Variants in UVSSA observed in about 807,000 individuals in gnomAD.
The protein encoded by UVSSA is UV-stimulated scaffold protein A.
In UVSSA, 72 loss-of-function variants were observed where a neutral mutation model predicts 73.9. The ratio of observed to expected loss-of-function variants is 0.97; its 90% CI spans 0.81 to 1.19. The LOEUF is 1.19. Ranked by LOEUF, UVSSA falls within the 50% of genes most tolerant of loss-of-function variation. UVSSA has a pLI of 0.00. For synonymous variants in UVSSA, 454 were observed against 391.3 expected (o/e 1.16, Z -1.89); for missense variants, 1,150 against 965.0 (o/e 1.19, Z -2.54).
rs147609449 is a variant in UVSSA at position 1,375,408 on chromosome 4, C to A, written c.1333C>A (p.Arg445=). The A allele has an allele frequency of 6.2e-7, 1 of 1,613,546 alleles. No homozygotes were observed. Among genetic ancestry groups the A allele is most frequent in the Non-Finnish European group, 8.5e-7 (1 of 1,180,016 alleles). ...PEKDTVVRCL[R]TRTRMDEEVS... ...GAAAGACACAGTTGTGCGGTGCTTG[C>A]GGACGAGGACGAGGATGGACGAGGA... The change falls in exon 9 of 14, where the codon CGG becomes AGG. Residue 445 remains arginine (R), a synonymous_variant. Transcript: ENST00000389851.
intron 7 of UVSSA, among the ~76,000 whole-genome samples, chr4:1,357,652 G>A (rs1715980570): frequency 6.6e-6 from 1 of 152,252 alleles, no homozygotes; most frequent in Admixed American, 6.5e-5. Flanking sequence ...CCTCACCCTG[G>A]TGGATGCAGA....
intron 8 of UVSSA, among the ~76,000 whole-genome samples, chr4:1,372,899 C>T (rs539034692): frequency 1.3e-5 from 2 of 149,790 alleles, no homozygotes; most frequent in South Asian, 2.1e-4. Flanking sequence ...TCACCTCCCG[C>T]GTCTCTACAC....
At position 1,349,761 on chromosome 4, in the gene UVSSA, G is replaced by A. The variant is rs538567550; in HGVS notation, c.336G>A (p.Ala112=). 5 of 1,610,230 alleles carry A rather than the reference G, an allele frequency of 3.1e-6. No homozygotes were observed. The South Asian group carries it at 4.4e-5, about 14-fold the overall frequency. The change falls in exon 3 of 14, where the codon GCG becomes GCA. Residue 112 remains alanine, a synonymous_variant. Coordinates refer to ENST00000389851, the MANE Select transcript of UVSSA (RefSeq NM_020894.4). ...PREAAQRLRQ[A]TTRAVEGWNE... ...AGGCGGCACAGAGGCTGAGGCAGGC[G>A]ACCACCCGGGCCGTGGAAGGGTGGA...
At chr4:1,358,297 C>G (rs1716091313) in intron 7 of UVSSA, among the ~76,000 whole-genome samples, 1 of 152,268 alleles carries the variant, frequency 6.6e-6, no homozygotes, top group African/African-American at 2.4e-5. Flanking sequence ...GTCTGGCCAG[C>G]AGATGTGCCC....
chr4:1,380,408 A>C (rs1313703483), intron 11 of UVSSA, among the ~76,000 whole-genome samples, 178 bp downstream of exon 11: 1 of 152,216 alleles, frequency 6.6e-6, no homozygotes, highest in Non-Finnish European at 1.5e-5. Context: ...CCATCAGAGC[A>C]TGGTGTCTGG....
rs182563782 is a variant in UVSSA at position 1,393,901 on chromosome 4, A to G, written c.*7940A>G. ...ACTAATTTGAAGTGTCCACCTCATC[A>G]GCTTCATGTTCAGCCAGTGACTGGA... On this transcript the variant is annotated 3_prime_UTR_variant, in exon 14 of 14. Transcript: ENST00000511216. The G allele has an allele frequency of 4.1e-5, 7 of 171,788 alleles. No homozygotes were observed. In the East Asian group the frequency reaches 1.1e-3, roughly 27 times the overall value. The allele number at this position is 171,788 out of a possible 1,614,324, so 10.6% of individuals were successfully genotyped here.
rs529585896 is a variant in UVSSA at position 1,354,515 on chromosome 4, G to C, written c.935-220G>C. ...ACTGAGACACAGGCAGTGGAGCTGC[G>C]TGTGAGGGGAGGCTTTGGTGTTAAG... On this transcript the variant is annotated intron_variant, in intron 5 of 13. Coordinates refer to ENST00000389851, the MANE Select transcript of UVSSA (RefSeq NM_020894.4). 27 of 566,096 alleles carry C rather than the reference G, an allele frequency of 4.8e-5. No homozygotes were observed. The African/African-American group carries it at 5.1e-4, about 11-fold the overall frequency. 35.1% of individuals were successfully genotyped at this position (566,096 alleles called of 1,614,324 possible). A position where few individuals can be genotyped will look rare whatever the true frequency, so the allele number is the denominator to read the frequency against.
Position 1,386,083 on chromosome 4 carries a change from G to GA in UVSSA, c.*125dup. On this transcript the variant is annotated 3_prime_UTR_variant, in exon 14 of 14. Coordinates refer to ENST00000389851, the MANE Select transcript of UVSSA (RefSeq NM_020894.4). ...TGTCTATTACTGTGTTTGATGTAAA[G>GA]AAATGGTGTGTTGCAATGCCCTGAA... is the stretch of plus-strand genomic sequence containing the variant. 1 of 1,048,822 alleles carries GA rather than the reference G, an allele frequency of 9.5e-7. No homozygotes were observed. The highest frequency in any genetic ancestry group is 1.4e-5 in the South Asian group (1 of 70,522). The allele number at this position is 1,048,822 out of a possible 1,614,324, so 65.0% of individuals were successfully genotyped here.
At chr4:1,367,399 G>A (rs1717472925) in intron 8 of UVSSA, among the ~76,000 whole-genome samples, 1 of 152,238 alleles carries the variant, frequency 6.6e-6, no homozygotes, top group Non-Finnish European at 1.5e-5. Flanking sequence ...ATCAGAGTCT[G>A]TAAGAAGAGA....
intron 10 of UVSSA, 47 bp from the exon 11 acceptor site, chr4:1,380,000 T>G (rs1313050123): frequency 2.0e-5 from 31 of 1,548,048 alleles, no homozygotes; most frequent in Non-Finnish European, 2.6e-5. Context: ...GCCACGCTCT[T>G]CTGGGGTCCC....
chr4:1,371,073 G>C (rs536658373), intron 8 of UVSSA, among the ~76,000 whole-genome samples: 1 of 152,314 alleles, frequency 6.6e-6, no homozygotes, highest in Non-Finnish European at 1.5e-5. Context: ...TTGGTAAGTG[G>C]AGGCACTGTG....
At chr4:1,370,945 C>A (rs916476159) in intron 8 of UVSSA, among the ~76,000 whole-genome samples, 6 of 152,202 alleles carry the variant, frequency 3.9e-5, no homozygotes, top group Non-Finnish European at 8.8e-5. Flanking sequence ...TTTGTCCTTA[C>A]CCACTTCCCT....
chr4:1,347,874 G>A (rs1372905372), intron 1 of UVSSA, 114 bp downstream of exon 1: 15 of 549,398 alleles, frequency 2.7e-5, no homozygotes, highest in Non-Finnish European at 4.6e-5. Flanking sequence ...GATTGTAGAG[G>A]TCCCGAGTTT....
chr4:1,374,747 G>T (rs796176862), intron 8 of UVSSA, among the ~76,000 whole-genome samples: 38 of 152,298 alleles, frequency 2.5e-4, no homozygotes, highest in African/African-American at 8.7e-4. Context: ...TGTCAGAGGC[G>T]CCTGCTGAAG....
intron 11 of UVSSA, 125 bp downstream of exon 11, chr4:1,380,355 G>T: frequency 8.0e-7 from 1 of 1,247,946 alleles, no homozygotes; most frequent in East Asian, 2.5e-5. Flanking sequence ...GAAGCCCATG[G>T]AAGGGGCTTA....
At position 1,378,660 on chromosome 4, in the gene UVSSA, C is replaced by G. The variant is rs1050844428; in HGVS notation, c.1569-1387C>G. 2.6e-5 allele frequency among the ~76,000 whole-genome samples: 4 copies of G among 152,196 alleles called. No individual in the cohort carries two copies. The South Asian group carries it at 8.3e-4, about 32-fold the overall frequency. On this transcript the variant is annotated intron_variant, in intron 10 of 13. Transcript: ENST00000389851. ...GTGGTGTGGCTGCTGTGCGCCGGCT[C>G]CTGAGTGTTCTCACTGCGATCCACG...
upstream of UVSSA, among the ~76,000 whole-genome samples, chr4:1,343,274 A>G (rs558454095): frequency 4.7e-4 from 71 of 152,188 alleles, no homozygotes; most frequent in Non-Finnish European, 8.5e-4. Context: ...TCCTGTGCAC[A>G]CACATCTCAG....
intron 13 of UVSSA, chr4:1,384,145 A>C: frequency 1.6e-6 from 1 of 632,314 alleles, no homozygotes; most frequent in South Asian, 2.2e-5. Context: ...TCTGCTCAGG[A>C]ACGCCCCCCA....
chr4:1,392,716 C>G (rs7667334), downstream of UVSSA: 16 of 152,162 alleles, frequency 1.1e-4, no homozygotes, highest in Non-Finnish European at 2.1e-4. Context: ...TTCAGTGTGT[C>G]CTACCTGCAG....
Sources: gnomAD v4.1 joint callset for allele counts (sites outside exome capture counted in the v4.1 genomes callset) on GRCh38, gnomAD v4.1.1 for gene constraint, MANE v1.5 for transcripts, NCBI Gene and HGNC (gene_info 2026-07-23, HGNC 2026-07-21) for gene names.